The following ASIP variants were observed in gnomAD, a reference collection of about 807,000 sequenced individuals.
ASIP encodes agouti-signaling protein.
In ASIP, 11 loss-of-function variants were observed where a neutral mutation model predicts 10.3. That is an observed-to-expected ratio of 1.07 (90% CI 0.68 to 1.78). The LOEUF (loss-of-function observed/expected upper bound fraction) is 1.78. Among genes scored for constraint, ASIP ranks in the 40% most tolerant of loss-of-function variants. The pLI is 0.00. For missense variants in ASIP, 180 were observed against 169.2 expected (o/e 1.06, Z -0.35); for synonymous variants, 70 against 70.8 (o/e 0.99, Z 0.06).
At chr20:34,214,185 T>G in intron 1 of ASIP, 1 of 1,262,128 alleles carries the variant, frequency 7.9e-7, no homozygotes, top group Non-Finnish European at 1.2e-6. Context: ...AATGAAAGGA[T>G]TCATTTGCTT....
intron 1 of ASIP, among the ~76,000 whole-genome samples, chr20:34,217,611 G>C (rs2035017770): frequency 6.6e-6 from 1 of 152,052 alleles, no homozygotes; most frequent in East Asian, 2.0e-4. Context: ...GCCCAGGCTG[G>C]AGTGCAGTGG....
intron 1 of ASIP, chr20:34,246,578 C>T (rs1358113376): frequency 1.3e-6 from 1 of 750,898 alleles, no homozygotes; most frequent in Non-Finnish European, 2.3e-6. Context: ...AATCCTCCCA[C>T]CTCAGCCTCC....
chr20:34,252,703 C>T (rs951300782), intron 1 of ASIP, among the ~76,000 whole-genome samples: 3 of 152,084 alleles, frequency 2.0e-5, no homozygotes, highest in African/African-American at 4.8e-5. Context: ...TTATGGGTGT[C>T]GGGTTGGGGG....
At chr20:34,196,182 T>C (rs1010439415) in intron 1 of ASIP, among the ~76,000 whole-genome samples, 6 of 144,094 alleles carry the variant, frequency 4.2e-5, no homozygotes, top group Admixed American at 1.4e-4. Context: ...TCTTTTTTTT[T>C]TTTTTTTTTT....
At chr20:34,245,536 C>A (rs1202847173) in intron 1 of ASIP, among the ~76,000 whole-genome samples, 2 of 151,184 alleles carry the variant, frequency 1.3e-5, no homozygotes, top group Admixed American at 1.3e-4. Flanking sequence ...TACAGGTGTG[C>A]GCCACCATGC....
intron 3 of ASIP, among the ~76,000 whole-genome samples, chr20:34,264,947 C>T (rs558320326): frequency 1.3e-5 from 2 of 152,046 alleles, no homozygotes; most frequent in South Asian, 4.2e-4. Flanking sequence ...GGGTGTGCAC[C>T]ACCATGCCTG....
intron 1 of ASIP, chr20:34,214,768 TG>T (rs1161023007): frequency 7.2e-7 from 1 of 1,391,752 alleles, no homozygotes; most frequent in Non-Finnish European, 1.0e-6. Context: ...AGCTTTTTGC[TG>T]ATCCGAGAGC....
At chr20:34,265,704 C>G (rs1294165184) in intron 3 of ASIP, among the ~76,000 whole-genome samples, 2 of 152,136 alleles carry the variant, frequency 1.3e-5, no homozygotes, top group African/African-American at 4.8e-5. Flanking sequence ...AATCCCAGCA[C>G]TTTGGGAGGC....
intron 1 of ASIP, among the ~76,000 whole-genome samples, chr20:34,235,189 C>A (rs2035163349): frequency 6.6e-6 from 1 of 152,224 alleles, no homozygotes; most frequent in African/African-American, 2.4e-5. Flanking sequence ...CGCCTGTAAT[C>A]CCAGCACTTT....
rs538188601 is a variant in ASIP, at chr20:34,220,346, C to T, written c.-11+25586C>T. On this transcript the variant is annotated intron_variant, in intron 1 of 3. Coordinates refer to the ASIP transcript ENST00000568305. ...GTGCAGTGGCTCACGCCTGTAATCC[C>T]AACACTTTGGGAGGCTGAGGCAGGC... Among the ~76,000 whole-genome samples the T allele has an allele frequency of 7.9e-5, 12 of 152,214 alleles. No homozygotes were observed. The East Asian group carries it at 9.7e-4, about 12-fold the overall frequency.
At chr20:34,235,392 A>G (rs1883106586) in intron 1 of ASIP, among the ~76,000 whole-genome samples, 1 of 152,180 alleles carries the variant, frequency 6.6e-6, no homozygotes, top group South Asian at 2.1e-4. Flanking sequence ...GTGAGCCGAG[A>G]TCATGCCATT....
upstream of ASIP, among the ~76,000 whole-genome samples, chr20:34,190,198 CTGCCTGTCCGATAGAT>C (rs920753920): frequency 6.6e-6 from 1 of 152,198 alleles, no homozygotes; most frequent in Non-Finnish European, 1.5e-5. Flanking sequence ...GCCCCACCTC[CTGCCTGTCCGATAGAT>C]TGGATTTCTT....
chr20:34,214,649 G>T, intron 1 of ASIP: 1 of 1,086,442 alleles, frequency 9.2e-7, no homozygotes, highest in Non-Finnish European at 1.4e-6. Context: ...AACTTCAGTT[G>T]TTTTCTATAT....
At chr20:34,235,544 T>A (rs542341419) in intron 1 of ASIP, among the ~76,000 whole-genome samples, 3 of 152,136 alleles carry the variant, frequency 2.0e-5, no homozygotes, top group African/African-American at 7.2e-5. Context: ...ATGACCTAGA[T>A]TGAAGACCAG....
At chr20:34,218,139 G>A (rs1024214821) in intron 1 of ASIP, among the ~76,000 whole-genome samples, 2 of 152,200 alleles carry the variant, frequency 1.3e-5, no homozygotes, top group Admixed American at 1.3e-4. Context: ...GGAACTCTAT[G>A]ACACACATTT....
chr20:34,193,176 G>A (rs987288996), upstream of ASIP, among the ~76,000 whole-genome samples: 1 of 152,178 alleles, frequency 6.6e-6, no homozygotes, highest in Non-Finnish European at 1.5e-5. Context: ...AGAAATATGT[G>A]AGCATGCTTA....
intron 1 of ASIP, among the ~76,000 whole-genome samples, chr20:34,196,070 C>A (rs537438703): frequency 6.6e-6 from 1 of 150,674 alleles, no homozygotes; most frequent in Admixed American, 6.7e-5. Context: ...AGCATTCTAG[C>A]AAAGATGCCA....
At chr20:34,197,550 G>A (rs1443973154) in intron 1 of ASIP, among the ~76,000 whole-genome samples, 1 of 152,176 alleles carries the variant, frequency 6.6e-6, no homozygotes, top group Non-Finnish European at 1.5e-5. Flanking sequence ...TACACCCCGT[G>A]TGCATCCAGG....
chr20:34,207,161 A>T (rs1370885734), intron 1 of ASIP, among the ~76,000 whole-genome samples: 1 of 152,130 alleles, frequency 6.6e-6, no homozygotes, highest in East Asian at 1.9e-4. Context: ...CCTTACCAGC[A>T]TTTGTTATTT....
Sources: allele counts gnomAD v4.1 joint callset (sites outside exome capture counted in the v4.1 genomes callset), GRCh38; gene constraint gnomAD v4.1.1; transcripts MANE v1.5; gene names NCBI Gene and HGNC (gene_info 2026-07-23, HGNC 2026-07-21).